BCL9: variants seen among roughly 807,000 people sequenced by gnomAD.
BCL9 encodes the protein BCL9 transcription coactivator.
BCL9 carries 25 observed loss-of-function variants against 88.5 expected under a neutral mutation model. The observed-to-expected ratio is 0.28, with a 90% CI of 0.21 to 0.39. The LOEUF (loss-of-function observed/expected upper bound fraction) is 0.39. Among genes scored for constraint, BCL9 ranks in the 10% least tolerant of loss-of-function variants. BCL9 has a pLI of 1.00. For synonymous variants in BCL9, 711 were observed against 673.3 expected, an observed-to-expected ratio of 1.06 and a Z score of -0.87; for missense variants, 1,817 against 1,877.8, an observed-to-expected ratio of 0.97 and a Z score of 0.60.
At chr1:147,600,554 G>A (rs1311586392) in intron 1 of BCL9, among the ~76,000 whole-genome samples, 1 of 151,958 alleles carries the variant, frequency 6.6e-6, no homozygotes, top group Admixed American at 6.5e-5. Context: ...GGTGCTTCAC[G>A]GGCGGTGGAG....
chr1:147,573,301 A>C (rs1264041314), intron 1 of BCL9, among the ~76,000 whole-genome samples: 2 of 152,166 alleles, frequency 1.3e-5, no homozygotes, highest in Non-Finnish European at 2.9e-5. Flanking sequence ...AAATACAAAA[A>C]AATTACCCTG....
intron 1 of BCL9, among the ~76,000 whole-genome samples, chr1:147,575,423 C>T (rs112909571): frequency 4.6e-5 from 7 of 152,340 alleles, no homozygotes; most frequent in African/African-American, 1.7e-4. Flanking sequence ...CAACACCAAG[C>T]TAAGTGCCAG....
At chr1:147,549,177 G>T (rs1989733) in intron 1 of BCL9, among the ~76,000 whole-genome samples, 1 of 151,502 alleles carries the variant, frequency 6.6e-6, no homozygotes, top group African/African-American at 2.4e-5. Flanking sequence ...GAGTTTTGCC[G>T]TGTTGGCCAG....
chr1:147,576,656 G>A (rs1175610662), intron 1 of BCL9, among the ~76,000 whole-genome samples: 1 of 152,062 alleles, frequency 6.6e-6, no homozygotes, highest in African/African-American at 2.4e-5. Context: ...TGAGTTTTCT[G>A]TTCTGATTAA....
At chr1:147,600,590 A>G (rs1657335602) in intron 1 of BCL9, among the ~76,000 whole-genome samples, 1 of 151,854 alleles carries the variant, frequency 6.6e-6, no homozygotes, top group Non-Finnish European at 1.5e-5. Flanking sequence ...TCTTTTTTTC[A>G]AAGGTTGTGT....
At chr1:147,559,128 C>T (rs74419133) in intron 1 of BCL9, among the ~76,000 whole-genome samples, 7 of 139,064 alleles carry the variant, frequency 5.0e-5, no homozygotes, top group East Asian at 2.0e-4. Flanking sequence ...CTTTCTTCTT[C>T]TTTTTTTTTT....
Position 147,624,622 on chromosome 1 carries a change from C to T in BCL9, c.3944C>T (p.Pro1315Leu), listed in dbSNP as rs782441041. 9.3e-6 allele frequency: 15 copies of T among 1,614,082 alleles called. No individual in the cohort carries two copies. The highest frequency in any genetic ancestry group is 2.2e-5 in the East Asian group (1 of 44,892). The change falls in exon 10 of 10, where the codon CCC (proline) becomes CTC (leucine). Residue 1315 changes from proline (P) to leucine (L), a missense_variant. Coordinates refer to ENST00000234739, the MANE Select transcript of BCL9 (RefSeq NM_004326.4). The surrounding 1 kb of genome is among the most constrained non-coding windows in gnomAD (Gnocchi z 4.4). The stretch of plus-strand genomic sequence containing the variant: ...GCTCCATCCATGCCAGGCCACAACC[C>T]CATGAGACCACCAGCCTTTCTCCAA... Reference protein sequence around the residue: ...GTAPSMPGHNPMRPPAFLQQG... With the variant: ...GTAPSMPGHNLMRPPAFLQQG...
chr1:147,588,587 A>G (rs782053167), intron 1 of BCL9, among the ~76,000 whole-genome samples: 2 of 152,114 alleles, frequency 1.3e-5, no homozygotes, highest in Admixed American at 6.6e-5. Context: ...CAGAAGTGCT[A>G]TCCATGGGGC....
intron 1 of BCL9, among the ~76,000 whole-genome samples, chr1:147,587,607 G>C (rs587607534): frequency 6.6e-6 from 1 of 152,322 alleles, no homozygotes; most frequent in East Asian, 1.9e-4. Context: ...GTTGTGCCCA[G>C]CTAGCTGCTA....
At chr1:147,583,703 A>C (rs890054762) in intron 1 of BCL9, among the ~76,000 whole-genome samples, 8 of 151,770 alleles carry the variant, frequency 5.3e-5, no homozygotes, top group African/African-American at 1.9e-4. Flanking sequence ...CTGTAATCCC[A>C]GCAGTTTGGG....
chr1:147,603,349 C>A (rs1296936377), intron 1 of BCL9, among the ~76,000 whole-genome samples: 4 of 152,206 alleles, frequency 2.6e-5, no homozygotes, highest in Admixed American at 6.5e-5. Context: ...TGAGTACTAA[C>A]ATGGGCTACG....
chr1:147,580,153 C>G (rs1416701462), intron 1 of BCL9, among the ~76,000 whole-genome samples: 1 of 152,162 alleles, frequency 6.6e-6, no homozygotes, highest in Non-Finnish European at 1.5e-5. Flanking sequence ...TCTTGGGGAA[C>G]AGACTCTCAT....
At chr1:147,616,516 C>G (rs1349924884) in intron 7 of BCL9, among the ~76,000 whole-genome samples, 1 of 152,034 alleles carries the variant, frequency 6.6e-6, no homozygotes, top group Non-Finnish European at 1.5e-5. Context: ...GCCTGTAATC[C>G]CAGCACTTTG....
intron 1 of BCL9, among the ~76,000 whole-genome samples, chr1:147,596,482 A>C (rs1319567403): frequency 7.9e-5 from 11 of 138,730 alleles, no homozygotes; most frequent in Admixed American, 6.5e-4. Flanking sequence ...GGAGCGATCT[A>C]GGCTCACTGC....
chr1:147,617,056 G>A (rs1220705403), intron 7 of BCL9, among the ~76,000 whole-genome samples: 1 of 152,194 alleles, frequency 6.6e-6, no homozygotes, highest in Non-Finnish European at 1.5e-5. Flanking sequence ...CTCCATCTTT[G>A]TAGACATAAG....
chr1:147,601,332 T>G (rs1033681258), intron 1 of BCL9, among the ~76,000 whole-genome samples: 1 of 152,176 alleles, frequency 6.6e-6, no homozygotes, highest in Admixed American at 6.5e-5. Flanking sequence ...ACAGCAAACA[T>G]AGGTAAATCC....
rs587657062 is a variant in BCL9, at chr1:147,625,102, A to G, written c.*143A>G. Reference sequence around the variant, plus strand: ...GAGGGCTGCTTTGGGGGAGGGGGGAACTCGAGAATGTATGGATTTACCTGA... The same window carrying G: ...GAGGGCTGCTTTGGGGGAGGGGGGAGCTCGAGAATGTATGGATTTACCTGA... On this transcript the variant is annotated 3_prime_UTR_variant, in exon 10 of 10. Coordinates refer to ENST00000234739, the MANE Select transcript of BCL9 (RefSeq NM_004326.4). 2 of 951,206 alleles carry G rather than the reference A, an allele frequency of 2.1e-6. No homozygotes were observed. The highest frequency in any genetic ancestry group is 2.4e-5 in the South Asian group (1 of 41,088). 58.9% of individuals were successfully genotyped at this position (951,206 alleles called of 1,614,324 possible). A position where few individuals can be genotyped will look rare whatever the true frequency, so the allele number is the denominator to read the frequency against.
intron 1 of BCL9, among the ~76,000 whole-genome samples, chr1:147,594,585 A>C (rs1256898368): frequency 6.6e-6 from 1 of 152,232 alleles, no homozygotes; most frequent in African/African-American, 2.4e-5. Flanking sequence ...AGCTAAAGTT[A>C]GGAGAGTGAA....
At chr1:147,584,452 A>T (rs1318287506) in intron 1 of BCL9, among the ~76,000 whole-genome samples, 1 of 152,022 alleles carries the variant, frequency 6.6e-6, no homozygotes, top group Non-Finnish European at 1.5e-5. Flanking sequence ...TGAGATGAGG[A>T]TCTTAAATTT....
Sources: gnomAD v4.1 joint callset for allele counts (sites outside exome capture counted in the v4.1 genomes callset) on GRCh38, gnomAD v4.1.1 for gene constraint, Gnocchi (gnomAD v3.1) non-coding constraint, MANE v1.5 for transcripts, NCBI Gene and HGNC (gene_info 2026-07-23, HGNC 2026-07-21) for gene names.